The following BAZ1B variants were observed in gnomAD, a reference collection of about 807,000 sequenced individuals.
The protein encoded by BAZ1B is tyrosine-protein kinase BAZ1B.
Under a neutral mutation model 153.8 loss-of-function variants are expected in BAZ1B, and 22 were observed. That is an observed-to-expected ratio of 0.14 (90% confidence interval 0.10 to 0.20). BAZ1B has a LOEUF of 0.20. Ranked by LOEUF, BAZ1B falls within the 10% of genes least tolerant of loss-of-function variation. The probability of loss-of-function intolerance (pLI) is 1.00; values close to 1 mark genes in which losing one functional copy is unlikely to be tolerated. For synonymous variants in BAZ1B, 676 were observed against 633.4 expected (o/e 1.07, Z -1.01); for missense variants, 1,325 against 1,799.3 (o/e 0.74, Z 4.77).
At chr7:73,479,321 C>T (rs368122532) in intron 6 of BAZ1B, among the ~76,000 whole-genome samples, 14 of 151,860 alleles carry the variant, frequency 9.2e-5, no homozygotes, top group African/African-American at 3.4e-4. Context: ...CCAGCCTGGC[C>T]AACATGGTGA....
At chr7:73,492,425 G>A (rs1018448016) in intron 5 of BAZ1B, among the ~76,000 whole-genome samples, 4 of 151,790 alleles carry the variant, frequency 2.6e-5, no homozygotes, top group African/African-American at 9.7e-5. Context: ...GCCTCCCAAA[G>A]TACTGGGATT....
chr7:73,512,197 A>C (rs1790613082), intron 1 of BAZ1B, among the ~76,000 whole-genome samples: 1 of 152,098 alleles, frequency 6.6e-6, no homozygotes, highest in Non-Finnish European at 1.5e-5. Context: ...TAGGGTTTAC[A>C]AGCTTGTCCA....
At chr7:73,470,272 T>C in intron 8 of BAZ1B, 73 bp downstream of exon 8, 1 of 1,456,758 alleles carries the variant, frequency 6.9e-7, no homozygotes, top group Non-Finnish European at 9.2e-7. Flanking sequence ...ATTCTTGTAC[T>C]TTAGAAAATT....
chr7:73,472,596 A>G (rs1554572172), intron 7 of BAZ1B, among the ~76,000 whole-genome samples: 1 of 151,726 alleles, frequency 6.6e-6, no homozygotes, highest in African/African-American at 2.4e-5. Flanking sequence ...TTTTGTTTTG[A>G]GACGGAGTCT....
At chr7:73,486,260 T>G (rs1050174081) in intron 6 of BAZ1B, among the ~76,000 whole-genome samples, 1 of 152,178 alleles carries the variant, frequency 6.6e-6, no homozygotes, top group Non-Finnish European at 1.5e-5. Flanking sequence ...CCAAAATTCC[T>G]GTATCTTTAC....
At chr7:73,505,436 A>C (rs1346527450) in intron 3 of BAZ1B, among the ~76,000 whole-genome samples, 1 of 152,146 alleles carries the variant, frequency 6.6e-6, no homozygotes, top group Non-Finnish European at 1.5e-5. Flanking sequence ...TTACTACATG[A>C]GATAATCACG....
At chr7:73,463,715 T>G (rs1234567571) in intron 11 of BAZ1B, among the ~76,000 whole-genome samples, 3 of 152,018 alleles carry the variant, frequency 2.0e-5, no homozygotes, top group African/African-American at 7.2e-5. Context: ...CTTTTTTTTT[T>G]TGTTGTTTTT....
Position 73,449,670 on chromosome 7 carries a change from G to A in BAZ1B, c.3600C>T (p.Ile1200=). ...CRKKGEDDKL[I]LCDECNKAFH... Reference sequence around the variant, plus strand: ...AGGCTTTATTACACTCATCACACAAGATCAATTTGTCATCCTCACCTGCAG... The same window carrying A: ...AGGCTTTATTACACTCATCACACAAAATCAATTTGTCATCCTCACCTGCAG... Residue 1200 remains isoleucine (I), a synonymous_variant, in exon 15 of 20, where the codon ATC becomes ATT. Transcript: ENST00000339594. 1 of 1,613,908 alleles carries A rather than the reference G, an allele frequency of 6.2e-7. No homozygotes were observed. The highest frequency in any genetic ancestry group is 1.1e-5 in the South Asian group (1 of 91,058).
Position 73,442,710 on chromosome 7 carries a change from G to A in BAZ1B, c.4094+15C>T. ...GGCCACTCCTCTCCCCTGCACCTGA[G>A]AACACAGCACTCACCTGAAGGGCCA... is the stretch of plus-strand genomic sequence containing the variant. On this transcript the variant is annotated intron_variant, in intron 18 of 19. Coordinates refer to ENST00000339594, the MANE Select transcript of BAZ1B (RefSeq NM_032408.4). 6.2e-7 allele frequency: 1 copy of A among 1,612,356 alleles called. No homozygotes were observed.
rs1253548295 is a variant in BAZ1B, at chr7:73,493,855, A to AAG, written c.572-936_572-935dup. Among the ~76,000 whole-genome samples, 121 of 150,878 alleles carry AAG rather than the reference A, an allele frequency of 8.0e-4. 1 individual carries two copies. The highest frequency in any genetic ancestry group is 1.8e-3 in the Admixed American group (27 of 15,134). On this transcript the variant is annotated intron_variant, in intron 4 of 19. Coordinates refer to ENST00000339594, the MANE Select transcript of BAZ1B (RefSeq NM_032408.4). Reference sequence around the variant, plus strand: ...CCCTGTCTCCAAAAAAAAAAAAAAAAAGAGAGAGAGAGAGAATACGATATG... The same window carrying AAG: ...CCCTGTCTCCAAAAAAAAAAAAAAAAAGAGAGAGAGAGAGAGAATACGATATG...
chr7:73,450,771 G>T lies in BAZ1B; in HGVS notation c.3580+76C>A. 6.5e-7 allele frequency: 1 copy of T among 1,530,858 alleles called. No individual in the cohort carries two copies. Among genetic ancestry groups the T allele is most frequent in the Non-Finnish European group, 9.0e-7 (1 of 1,114,736 alleles). 94.8% of individuals were successfully genotyped at this position (1,530,858 alleles called of 1,614,324 possible). On this transcript the variant is annotated intron_variant, in intron 14 of 19. Transcript: ENST00000339594. This position sits in a 1 kb window ranked among gnomAD's most constrained non-coding sequence, Gnocchi z 4.1. ...ATTCTGTGTACACAAAATTCTTTTG[G>T]GTAGAAATGAAGATCTTGGGAATAG...
chr7:73,456,048 T>C (rs1788186770), intron 13 of BAZ1B, among the ~76,000 whole-genome samples: 1 of 152,142 alleles, frequency 6.6e-6, no homozygotes, highest in Admixed American at 6.6e-5. Context: ...TTTATTTACT[T>C]ACAATAATAA....
At chr7:73,484,700 C>A (rs1443427434) in intron 6 of BAZ1B, among the ~76,000 whole-genome samples, 3 of 152,166 alleles carry the variant, frequency 2.0e-5, no homozygotes, top group Non-Finnish European at 4.4e-5. Flanking sequence ...AATTATGTCA[C>A]TGCCTTCTTA....
chr7:73,465,848 G>T (rs1788563399), intron 10 of BAZ1B, among the ~76,000 whole-genome samples: 1 of 152,076 alleles, frequency 6.6e-6, no homozygotes, highest in Non-Finnish European at 1.5e-5. Context: ...AAAATGAAAG[G>T]TCATTAAATC....
In BAZ1B at chr7:73,455,412, AC is replaced by A. The variant is rs569260567; in HGVS notation, c.3432+4123del. ...AAGTAATCTTAAGCAGAAATCTAATACGCAAAACAGACAAAAATGGAGCTGC... is the reference window on the plus strand; with the variant it reads ...AAGTAATCTTAAGCAGAAATCTAATAGCAAAACAGACAAAAATGGAGCTGC... On this transcript the variant is annotated intron_variant, in intron 13 of 19. Coordinates refer to ENST00000339594, the MANE Select transcript of BAZ1B (RefSeq NM_032408.4). Among the ~76,000 whole-genome samples, 6 of 152,346 alleles carry A rather than the reference AC, an allele frequency of 3.9e-5. No individual in the cohort carries two copies. In the East Asian group the frequency reaches 1.2e-3, roughly 29 times the overall value.
chr7:73,478,854 A>G (rs1789093152), intron 6 of BAZ1B, among the ~76,000 whole-genome samples: 1 of 152,218 alleles, frequency 6.6e-6, no homozygotes, highest in South Asian at 2.1e-4. Context: ...TTTAAACAAA[A>G]TCTGTGAACC....
intron 4 of BAZ1B, among the ~76,000 whole-genome samples, 167 bp from the exon 5 acceptor site, chr7:73,493,088 G>C (rs781835972): frequency 8.5e-5 from 13 of 152,188 alleles, no homozygotes; most frequent in Non-Finnish European, 1.6e-4. Flanking sequence ...TCTATGAGGA[G>C]AGTCAGCAAG....
At chr7:73,452,453 G>A (rs1296436978) in intron 13 of BAZ1B, among the ~76,000 whole-genome samples, 1 of 152,156 alleles carries the variant, frequency 6.6e-6, no homozygotes, top group Non-Finnish European at 1.5e-5. Flanking sequence ...GCCGGGCGTG[G>A]TGGCTCACAC....
At chr7:73,495,807 C>T (rs1789854353) in intron 4 of BAZ1B, among the ~76,000 whole-genome samples, 1 of 152,162 alleles carries the variant, frequency 6.6e-6, no homozygotes, top group South Asian at 2.1e-4. Context: ...CATGTTCTCA[C>T]TTGTAAGTGG....
Sources: allele counts gnomAD v4.1 joint callset (sites outside exome capture counted in the v4.1 genomes callset), GRCh38; gene constraint gnomAD v4.1.1; non-coding constraint Gnocchi (gnomAD v3.1); transcripts MANE v1.5; gene names NCBI Gene and HGNC (gene_info 2026-07-23, HGNC 2026-07-21).